NCOA3: variants seen among roughly 807,000 people sequenced by gnomAD.
NCOA3 encodes nuclear receptor coactivator 3.
Under a neutral mutation model 158.8 loss-of-function variants are expected in NCOA3, and 51 were observed. The ratio of observed to expected loss-of-function variants is 0.32; its 90% CI spans 0.26 to 0.41. The LOEUF is 0.41. Ranked by LOEUF, NCOA3 falls within the 10% of genes least tolerant of loss-of-function variation. The pLI, the probability that NCOA3 is intolerant of heterozygous loss-of-function variation, is 1.00. For synonymous variants in NCOA3, 537 were observed against 592.4 expected (o/e 0.91, Z 1.36); for missense variants, 1,510 against 1,746.6 (o/e 0.86, Z 2.41).
At chr20:47,634,737 T>C (rs1181480289) in intron 10 of NCOA3, among the ~76,000 whole-genome samples, 1 of 152,166 alleles carries the variant, frequency 6.6e-6, no homozygotes, top group East Asian at 1.9e-4. Flanking sequence ...GTCTCACTCA[T>C]AGATTCTGTG....
chr20:47,639,580 G>A lies in NCOA3; in HGVS notation c.2711G>A (p.Gly904Glu). 6.2e-7 allele frequency: 1 copy of A among 1,613,196 alleles called. No individual in the cohort carries two copies. The highest frequency in any genetic ancestry group is 8.5e-7 in the Non-Finnish European group (1 of 1,179,844). The change falls in exon 15 of 23, where the codon GGG becomes GAG. Residue 904 changes from glycine (G) to glutamate (E), a missense_variant. By Grantham distance (98) the Gly-to-Glu change is moderately conservative (BLOSUM62 -2). Around this residue, in one of 4 missense-constraint regions of NCOA3, gnomAD observed 1,017 missense variants for 1,098.3 expected, o/e 0.93. Transcript: ENST00000371998. ...TAAGTATGGCTACCTGTTTTAGGTG[G>A]GCCAAACCGAAATGTGACTGTGACT... is the stretch of plus-strand genomic sequence containing the variant. ...SQENYGSSMG[G>E]PNRNVTVTQT...
chr20:47,593,196 G>A (rs555330700), intron 2 of NCOA3, among the ~76,000 whole-genome samples: 9 of 152,142 alleles, frequency 5.9e-5, no homozygotes, highest in African/African-American at 2.2e-4. Flanking sequence ...GCCTCCCAAA[G>A]TGCTGGGACT....
chr20:47,627,510 T>C (rs1227854336), intron 6 of NCOA3, 51 bp from the exon 7 acceptor site: 10 of 1,407,420 alleles, frequency 7.1e-6, no homozygotes, highest in Admixed American at 2.0e-5. Flanking sequence ...ATGATGGTCA[T>C]AGAATGAGTT....
chr20:47,650,875 C>G (rs983150986), intron 19 of NCOA3, 107 bp from the exon 20 acceptor site: 2 of 1,086,302 alleles, frequency 1.8e-6, no homozygotes, highest in Middle Eastern at 2.4e-4. Context: ...AAAAGAAGGC[C>G]CTGGGTGTTT....
intron 1 of NCOA3, among the ~76,000 whole-genome samples, chr20:47,529,467 C>T (rs2084511221): frequency 6.6e-6 from 1 of 152,152 alleles, no homozygotes; most frequent in Non-Finnish European, 1.5e-5. Context: ...GGCTGGAGTG[C>T]AGTGGTGTGA....
intron 2 of NCOA3, among the ~76,000 whole-genome samples, chr20:47,607,081 G>A (rs1303756828): frequency 1.3e-5 from 2 of 152,152 alleles, no homozygotes; most frequent in African/African-American, 4.8e-5. Context: ...AGTGATGCAT[G>A]GGTTAAAGAT....
intron 2 of NCOA3, among the ~76,000 whole-genome samples, chr20:47,592,482 G>A (rs1404414062): frequency 6.6e-6 from 1 of 152,126 alleles, no homozygotes; most frequent in African/African-American, 2.4e-5. Context: ...CAATTTCTAA[G>A]CACTATTCAA....
intron 1 of NCOA3, among the ~76,000 whole-genome samples, chr20:47,534,742 C>T (rs1011011689): frequency 6.6e-6 from 1 of 152,046 alleles, no homozygotes; most frequent in Non-Finnish European, 1.5e-5. Flanking sequence ...TGGCGAAACC[C>T]CATCTCTACC....
At chr20:47,539,968 A>G (rs1229634296) in intron 1 of NCOA3, among the ~76,000 whole-genome samples, 2 of 152,234 alleles carry the variant, frequency 1.3e-5, no homozygotes, top group Non-Finnish European at 2.9e-5. Context: ...TTTTACATAA[A>G]CTCTCATTTA....
chr20:47,530,885 A>G (rs889775881), intron 1 of NCOA3, among the ~76,000 whole-genome samples: 4 of 152,182 alleles, frequency 2.6e-5, no homozygotes, highest in Non-Finnish European at 5.9e-5. Flanking sequence ...AGGTGTTATT[A>G]TCCAACTTTT....
intron 1 of NCOA3, among the ~76,000 whole-genome samples, chr20:47,561,969 T>A (rs1452415373): frequency 6.6e-6 from 1 of 151,204 alleles, no homozygotes; most frequent in Non-Finnish European, 1.5e-5. Flanking sequence ...ATTGTCCCCA[T>A]AGTTTTGCTT....
chr20:47,583,865 G>A (rs1306225137), intron 2 of NCOA3, among the ~76,000 whole-genome samples: 2 of 152,232 alleles, frequency 1.3e-5, no homozygotes, highest in Non-Finnish European at 2.9e-5. Context: ...TGAGGTGGGA[G>A]GATTGCCTGT....
chr20:47,517,455 T>C (rs1035602579), intron 1 of NCOA3, among the ~76,000 whole-genome samples: 5 of 143,780 alleles, frequency 3.5e-5, no homozygotes, highest in Admixed American at 6.8e-5. Context: ...CTTTTTCTTT[T>C]TTTTTTTTTT....
At chr20:47,582,851 G>A (rs1010067232) in intron 1 of NCOA3, among the ~76,000 whole-genome samples, 19 of 152,156 alleles carry the variant, frequency 1.2e-4, no homozygotes, top group African/African-American at 4.6e-4. Flanking sequence ...CTGGAGTGCA[G>A]TGGCATAGTC....
At chr20:47,594,411 C>T (rs564918946) in intron 2 of NCOA3, among the ~76,000 whole-genome samples, 1 of 152,186 alleles carries the variant, frequency 6.6e-6, no homozygotes, top group East Asian at 1.9e-4. Flanking sequence ...GCCTGTAATC[C>T]TAGCACTTTG....
At chr20:47,571,453 G>A (rs149988512) in intron 1 of NCOA3, among the ~76,000 whole-genome samples, 2 of 152,040 alleles carry the variant, frequency 1.3e-5, no homozygotes, top group Admixed American at 6.6e-5. Flanking sequence ...GAGTAGCTGG[G>A]ACTACTGGCA....
chr20:47,652,663 T>C, intron 21 of NCOA3, 83 bp downstream of exon 21: 1 of 1,357,074 alleles, frequency 7.4e-7, no homozygotes, highest in Admixed American at 2.1e-5. Context: ...TCAAGCCTTT[T>C]TGGATGGAGA....
intron 1 of NCOA3, among the ~76,000 whole-genome samples, chr20:47,562,115 G>A (rs544970758): frequency 2.6e-5 from 4 of 152,134 alleles, no homozygotes; most frequent in Admixed American, 6.6e-5. Context: ...TTACAGTGCT[G>A]AATGAGATTC....
chr20:47,554,854 C>T (rs2084977320), intron 1 of NCOA3, among the ~76,000 whole-genome samples: 1 of 152,182 alleles, frequency 6.6e-6, no homozygotes, highest in Admixed American at 6.6e-5. Context: ...TTGGAAAAAA[C>T]TACTTTAAAG....
Sources: allele counts gnomAD v4.1 joint callset (sites outside exome capture counted in the v4.1 genomes callset), GRCh38; gene constraint gnomAD v4.1.1; regional missense constraint gnomAD v4.1.1; transcripts MANE v1.5; gene names NCBI Gene and HGNC (gene_info 2026-07-23, HGNC 2026-07-21).